Variants in TBXT observed in about 807,000 individuals in gnomAD.
TBXT encodes T-box transcription factor T.
A neutral mutation model predicts 41.1 loss-of-function variants in TBXT; 19 were observed. That is an observed-to-expected ratio of 0.46 (90% CI 0.32 to 0.68). The LOEUF (loss-of-function observed/expected upper bound fraction) is 0.68, where lower values mean the gene tolerates loss of function less well. TBXT is among the 30% of genes least tolerant of loss of function. TBXT has a pLI of 0.03. For synonymous variants in TBXT, 213 were observed against 238.9 expected, an observed-to-expected ratio of 0.89 and a Z score of 1.00; for missense variants, 536 against 582.0, an observed-to-expected ratio of 0.92 and a Z score of 0.81.
In TBXT at chr6:166,162,495, G is replaced by T. The variant is rs768845167; in HGVS notation, c.859C>A (p.Arg287=). 2 of 1,614,162 alleles carry T rather than the reference G, an allele frequency of 1.2e-6. No homozygotes were observed. The highest frequency in any genetic ancestry group is 8.5e-7 in the Non-Finnish European group (1 of 1,180,008). Residue 287 remains arginine (R), a synonymous_variant, in exon 6 of 8, where the codon CGG becomes AGG. Coordinates refer to ENST00000366876, the MANE Select transcript of TBXT (RefSeq NM_001366285.2). The stretch of plus-strand genomic sequence containing the variant: ...TAGGGGCTGGGGTAGGGTGAGGACC[G>T]GTGGCTCCTCAGGGTTGGGTACCTG... ...CDRYPTLRSH[R]SSPYPSPYAH... is the part of the protein sequence containing the mutation.
chr6:166,167,308 T>G lies in TBXT; in HGVS notation c.206+78A>C, dbSNP rs899630666. 5.8e-6 allele frequency: 9 copies of G among 1,554,484 alleles called. No homozygotes were observed. In the African/African-American group the frequency reaches 1.2e-4, roughly 21 times the overall value. The stretch of plus-strand genomic sequence containing the variant: ...CCTCCAGGAGAAAAAGGGTTCGACC[T>G]CCGGGAACTTGCCAGGTCCCCCAGG... On this transcript the variant is annotated intron_variant, in intron 1 of 7. Transcript: ENST00000366876.
intron 7 of TBXT, among the ~76,000 whole-genome samples, chr6:166,159,338 T>C (rs3099268): frequency 0.77 from 116,468 of 151,642 alleles, 45,022 homozygotes; most frequent in East Asian, 0.89. Flanking sequence ...ATTCTCACGA[T>C]GAAGACCAGC....
chr6:166,164,068 A>G (rs1028345061), intron 5 of TBXT, among the ~76,000 whole-genome samples: 49 of 152,196 alleles, frequency 3.2e-4, no homozygotes, highest in Non-Finnish European at 6.0e-4. Context: ...CGTTTCTCCC[A>G]ACAAATGCTG....
At chr6:166,166,053 C>A (rs774968357) in intron 2 of TBXT, among the ~76,000 whole-genome samples, 12 of 152,188 alleles carry the variant, frequency 7.9e-5, no homozygotes, top group Admixed American at 2.6e-4. Flanking sequence ...TGCTACACAC[C>A]ATTAAAAGCA....
At chr6:166,162,973 C>T (rs1209380921) in intron 5 of TBXT, among the ~76,000 whole-genome samples, 3 of 152,336 alleles carry the variant, frequency 2.0e-5, no homozygotes, top group Middle Eastern at 3.4e-3. Context: ...ATCAGCCCCA[C>T]ACTCACTACC....
At chr6:166,159,321 C>T (rs746714073) in intron 7 of TBXT, among the ~76,000 whole-genome samples, 3 of 152,140 alleles carry the variant, frequency 2.0e-5, no homozygotes, top group Non-Finnish European at 4.4e-5. Context: ...CCCCCACCAC[C>T]GCAGTGATTC....
Position 166,158,320 on chromosome 6 carries a change from T to C in TBXT, c.1306A>G (p.Met436Val), listed in dbSNP as rs779287427. The C allele has an allele frequency of 6.2e-7, 1 of 1,614,200 alleles. No individual in the cohort carries two copies. The highest frequency in any genetic ancestry group is 2.2e-5 in the East Asian group (1 of 44,892). ...ASWTPVSPPSM is the reference protein window; with the variant it reads ...ASWTPVSPPSV ...GGGACCTGGGCCTTGCTGCTTCACA[T>C]GGAAGGTGGCGACACAGGTGTCCAT... Residue 436 changes from methionine (M) to valine (V), a missense_variant, in exon 8 of 8, where the codon ATG (methionine) becomes GTG (valine). Met to Val is a conservative substitution (Grantham distance 21, BLOSUM62 1). Transcript: ENST00000366876.
rs756594225 is a variant in TBXT, at chr6:166,167,502, C to A, written c.90G>T (p.Ala30=). 6.2e-7 allele frequency: 1 copy of A among 1,608,726 alleles called. No homozygotes were observed. The highest frequency in any genetic ancestry group is 8.5e-7 in the Non-Finnish European group (1 of 1,179,640). The change falls in exon 1 of 8, where the codon GCG becomes GCT. Residue 30 remains alanine, a synonymous_variant. Coordinates refer to ENST00000366876, the MANE Select transcript of TBXT (RefSeq NM_001366285.2). ...CTGTGGGGTCGCCCTTCTCGCTGCC[C>A]GCCTGCAGCTCATTCTCCACGGCGC... is the stretch of plus-strand genomic sequence containing the variant. ...LLSAVENELQ[A]GSEKGDPTER...
rs1488854858 is a variant in TBXT at position 166,157,741 on chromosome 6, A to G, written c.*574T>C. ...GTCAAAAGAAAAATATGAAACAGTT[A>G]TAGTTTAACAACACAAGAGATTAGC... On this transcript the variant is annotated 3_prime_UTR_variant, in exon 8 of 8. Transcript: ENST00000366876. 6.5e-6 allele frequency: 1 copy of G among 154,360 alleles called. No homozygotes were observed. Among genetic ancestry groups the G allele is most frequent in the Non-Finnish European group, 1.4e-5 (1 of 69,232 alleles). The allele number at this position is 154,360 out of a possible 1,614,324, so 9.6% of individuals were successfully genotyped here.
rs2128522821 is a variant in TBXT, at chr6:166,164,646, A to G, written c.689T>C (p.Met230Thr). Residue 230 changes from methionine to threonine, a missense_variant, in exon 5 of 8, where the codon ATG becomes ACG. Transcript: ENST00000366876. The stretch of plus-strand genomic sequence containing the variant: ...TTGCTGGCTGTCTCCGGGTTCCTCC[A>G]TCATCTCTTTGTGATCACTTCTATC... ...AKERSDHKEM[M>T]EEPGDSQQPG... 6.2e-7 allele frequency: 1 copy of G among 1,614,112 alleles called. No homozygotes were observed. Among genetic ancestry groups the G allele is most frequent in the Non-Finnish European group, 8.5e-7 (1 of 1,180,032 alleles).
intron 6 of TBXT, among the ~76,000 whole-genome samples, 178 bp downstream of exon 6, chr6:166,162,269 G>T (rs1012417754): frequency 6.6e-6 from 1 of 152,228 alleles, no homozygotes; most frequent in African/African-American, 2.4e-5. Flanking sequence ...GCCAGCAGCG[G>T]CAGTGGCGGA....
chr6:166,162,000 C>A (rs1345719901), intron 6 of TBXT, among the ~76,000 whole-genome samples: 1 of 152,202 alleles, frequency 6.6e-6, no homozygotes, highest in Non-Finnish European at 1.5e-5. Context: ...ACTGTGCCCA[C>A]TCTCGGGTGG....
chr6:166,162,015 G>A (rs573120765), intron 6 of TBXT, among the ~76,000 whole-genome samples: 1 of 152,356 alleles, frequency 6.6e-6, no homozygotes, highest in East Asian at 1.9e-4. Context: ...GGGTGGTGCT[G>A]AGGCTCTGGC....
chr6:166,159,667 A>G (rs1029735704), intron 7 of TBXT, among the ~76,000 whole-genome samples: 1 of 152,230 alleles, frequency 6.6e-6, no homozygotes, highest in African/African-American at 2.4e-5. Flanking sequence ...TATTTTGGGA[A>G]ATAACCTTGT....
Position 166,158,118 on chromosome 6 carries a change from G to T in TBXT, c.*197C>A. ...AGCCACCTGGGACAGCACCGCTACT[G>T]CAGGTGTGAGCAAGGGATGCTGGGG... On this transcript the variant is annotated 3_prime_UTR_variant, in exon 8 of 8. Coordinates refer to ENST00000366876, the MANE Select transcript of TBXT (RefSeq NM_001366285.2). 1.3e-6 allele frequency: 1 copy of T among 793,874 alleles called. No individual in the cohort carries two copies. Among genetic ancestry groups the T allele is most frequent in the Non-Finnish European group, 2.1e-6 (1 of 487,048 alleles). The allele number at this position is 793,874 out of a possible 1,614,324, so 49.2% of individuals were successfully genotyped here.
chr6:166,163,600 C>T (rs1779022230), intron 5 of TBXT, among the ~76,000 whole-genome samples: 1 of 152,214 alleles, frequency 6.6e-6, no homozygotes, highest in African/African-American at 2.4e-5. Flanking sequence ...CCAGGCTGGT[C>T]TCTAACTCCC....
intron 7 of TBXT, among the ~76,000 whole-genome samples, chr6:166,160,248 C>T (rs1201047077): frequency 6.6e-6 from 1 of 152,210 alleles, no homozygotes; most frequent in Non-Finnish European, 1.5e-5. Context: ...CTCTGCATAA[C>T]TTGCAAGTTG....
chr6:166,160,584 C>T (rs994228794), intron 7 of TBXT, among the ~76,000 whole-genome samples: 2 of 152,224 alleles, frequency 1.3e-5, no homozygotes, highest in South Asian at 2.1e-4. Context: ...GATGGGATAG[C>T]GCAGCTCCCA....
At chr6:166,166,984 A>G in intron 1 of TBXT, 128 bp from the exon 2 acceptor site, 1 of 1,495,476 alleles carries the variant, frequency 6.7e-7, no homozygotes, top group Non-Finnish European at 9.1e-7. Flanking sequence ...TCCGAGGGTG[A>G]CTCCCAAGCT....
Sources: allele counts gnomAD v4.1 joint callset (sites outside exome capture counted in the v4.1 genomes callset), GRCh38; gene constraint gnomAD v4.1.1; transcripts MANE v1.5; gene names NCBI Gene and HGNC (gene_info 2026-07-23, HGNC 2026-07-21).